Variants in CABP1 observed in about 807,000 individuals in gnomAD.
CABP1 encodes the protein calcium-binding protein 1.
CABP1 carries 17 observed loss-of-function variants against 34.3 expected under a neutral mutation model. That is an observed-to-expected ratio of 0.50 (90% CI 0.34 to 0.74). The LOEUF is 0.74. Among genes scored for constraint, CABP1 ranks in the 30% least tolerant of loss-of-function variants. CABP1 has a pLI of 0.01. For synonymous variants in CABP1, 198 were observed against 229.2 expected (o/e 0.86, Z 1.23); for missense variants, 373 against 511.1 (o/e 0.73, Z 2.61).
downstream of CABP1, among the ~76,000 whole-genome samples, chr12:120,670,748 G>A (rs573209064): frequency 7.2e-5 from 11 of 152,184 alleles, no homozygotes; most frequent in African/African-American, 1.7e-4. Context: ...CTTTTGTCTC[G>A]AAAACCAAAA....
At chr12:120,677,102 T>C in the CABP1 span, among the ~76,000 whole-genome samples, 50 of 144,560 alleles carry the variant, frequency 3.5e-4, no homozygotes, top group East Asian at 9.1e-3. Context: ...TTTTTTTTTT[T>C]CCTGAGATAG....
At chr12:120,655,458 A>G in intron 1 of CABP1, 8 of 872,674 alleles carry the variant, frequency 9.2e-6, no homozygotes, top group Non-Finnish European at 1.1e-5. Flanking sequence ...GCATGTTTCC[A>G]CTTTGCCCCA....
Position 120,666,896 on chromosome 12 carries a change from G to A in CABP1, c.1109G>A (p.Arg370His). 6.2e-7 allele frequency: 1 copy of A among 1,604,994 alleles called. No individual in the cohort carries two copies. The highest frequency in any genetic ancestry group is 8.5e-7 in the Non-Finnish European group (1 of 1,178,598). Residue 370 changes from arginine (R) to histidine (H), a missense_variant, in exon 6 of 6, where the codon CGC becomes CAC. Physicochemically the swap from Arg to His is conservative, Grantham distance 29. Around this residue, in one of 4 missense-constraint regions of CABP1, gnomAD observed 109 missense variants for 204.8 expected, o/e 0.53. Coordinates refer to ENST00000316803, the MANE Select transcript of CABP1 (RefSeq NM_001033677.2). ...CTAGAGTTTGTCCGGATGATGTCCC[G>A]CTGAGGCCGCGAGGGCCCCTCCAGG... ...DFEEFVRMMS[R>H]
chr12:120,669,453 G>A (rs1010335590), downstream of CABP1, among the ~76,000 whole-genome samples: 7 of 152,144 alleles, frequency 4.6e-5, no homozygotes, highest in African/African-American at 1.7e-4. Context: ...CATCTCTATC[G>A]GCTGGCAGGG....
chr12:120,666,085 C>T (rs1194443728), intron 5 of CABP1, among the ~76,000 whole-genome samples: 1 of 150,748 alleles, frequency 6.6e-6, no homozygotes, highest in African/African-American at 2.4e-5. Context: ...GTAATCCCAG[C>T]ACTTTGGGAG....
chr12:120,675,984 G>A, the CABP1 span, among the ~76,000 whole-genome samples: 1 of 152,122 alleles, frequency 6.6e-6, no homozygotes, highest in Non-Finnish European at 1.5e-5. Context: ...GCTGAGGCAG[G>A]GGAATCGCTT....
Position 120,640,870 on chromosome 12 carries a change from T to C in CABP1, c.185T>C (p.Ile62Thr). The change falls in exon 1 of 6, where the codon ATC becomes ACC. Residue 62 changes from isoleucine to threonine, a missense_variant. Physicochemically the swap from Ile to Thr is moderately conservative, Grantham distance 89 (BLOSUM62 -1). Around this residue, in one of 4 missense-constraint regions of CABP1, gnomAD observed 134 missense variants for 145.4 expected, o/e 0.92. Coordinates refer to ENST00000316803, the MANE Select transcript of CABP1 (RefSeq NM_001033677.2). This position sits in a 1 kb window ranked among gnomAD's most constrained non-coding sequence, Gnocchi z 6.2. ...GGCCCCGCCGCGATGAGCTCGCACA[T>C]CGCCAAAAGCGAGTCCAAGACGTCG... The part of the protein sequence containing the change: ...SAGPAAMSSH[I>T]AKSESKTSLL... The C allele has an allele frequency of 9.3e-7, 1 of 1,080,664 alleles. No homozygotes were observed. The highest frequency in any genetic ancestry group is 1.1e-6 in the Non-Finnish European group (1 of 892,894). 66.9% of individuals were successfully genotyped at this position (1,080,664 alleles called of 1,614,324 possible).
chr12:120,676,531 G>C, the CABP1 span, among the ~76,000 whole-genome samples: 9 of 152,090 alleles, frequency 5.9e-5, 1 homozygote, highest in Admixed American at 2.0e-4. Flanking sequence ...GGGTTGAAGC[G>C]ATTCTCTTGC....
chr12:120,677,236 T>C, the CABP1 span, among the ~76,000 whole-genome samples: 1 of 149,420 alleles, frequency 6.7e-6, no homozygotes, highest in East Asian at 2.0e-4. Context: ...CACAGGCGCC[T>C]GCCACCATGC....
intron 1 of CABP1, chr12:120,650,680 A>G (rs1425772636): frequency 4.3e-6 from 7 of 1,613,998 alleles, no homozygotes; most frequent in Non-Finnish European, 5.9e-6. Context: ...TCTCTCAAGG[A>G]AGGTATGTTT....
At chr12:120,662,724 C>T (rs1309057124) in intron 5 of CABP1, among the ~76,000 whole-genome samples, 1 of 139,066 alleles carries the variant, frequency 7.2e-6, no homozygotes, top group Non-Finnish European at 1.5e-5. Context: ...CGCTCTTGTA[C>T]TCCAGGCTGG....
chr12:120,653,974 G>A (rs780736599), intron 1 of CABP1, among the ~76,000 whole-genome samples: 1 of 152,198 alleles, frequency 6.6e-6, no homozygotes, highest in Non-Finnish European at 1.5e-5. Context: ...CTGGGGTTCG[G>A]CCAGTCACTG....
chr12:120,643,860 ATTC>A (rs1338991538), intron 1 of CABP1, among the ~76,000 whole-genome samples: 7 of 152,226 alleles, frequency 4.6e-5, no homozygotes, highest in African/African-American at 1.4e-4. Flanking sequence ...AGTGTTAGTT[ATTC>A]TTCTTCTTTG....
the CABP1 span, among the ~76,000 whole-genome samples, chr12:120,679,757 G>A: frequency 6.6e-6 from 1 of 152,184 alleles, no homozygotes; most frequent in African/African-American, 2.4e-5. Context: ...AACCCGGGAG[G>A]TGGAGGTTGC....
intron 1 of CABP1, chr12:120,650,491 A>G (rs1047805176): frequency 9.8e-6 from 15 of 1,524,586 alleles, no homozygotes; most frequent in Non-Finnish European, 1.3e-5. Flanking sequence ...GCACGCGCGC[A>G]AGAGAGGGCT....
chr12:120,668,655 A>T (rs1881133921), downstream of CABP1, among the ~76,000 whole-genome samples: 1 of 152,194 alleles, frequency 6.6e-6, no homozygotes, highest in Non-Finnish European at 1.5e-5. Flanking sequence ...AGGGCATTGC[A>T]CCACACGGCA....
At chr12:120,643,960 C>T (rs1879445004) in intron 1 of CABP1, among the ~76,000 whole-genome samples, 1 of 152,210 alleles carries the variant, frequency 6.6e-6, no homozygotes, top group Admixed American at 6.5e-5. Context: ...ACACTGAAGG[C>T]ACAAAGATGA....
downstream of CABP1, among the ~76,000 whole-genome samples, chr12:120,670,147 T>C (rs1208196625): frequency 7.9e-5 from 12 of 151,978 alleles, no homozygotes; most frequent in Non-Finnish European, 1.8e-4. Flanking sequence ...GGACTACAGA[T>C]GCACACCAGC....
At chr12:120,653,036 T>C (rs1193789966) in intron 1 of CABP1, among the ~76,000 whole-genome samples, 1 of 152,142 alleles carries the variant, frequency 6.6e-6, no homozygotes, top group Non-Finnish European at 1.5e-5. Flanking sequence ...GGCAACTTGG[T>C]GTTAGGCAGT....
Sources: allele counts gnomAD v4.1 joint callset (sites outside exome capture counted in the v4.1 genomes callset), GRCh38; gene constraint gnomAD v4.1.1; regional missense constraint gnomAD v4.1.1; non-coding constraint Gnocchi (gnomAD v3.1); transcripts MANE v1.5; gene names NCBI Gene and HGNC (gene_info 2026-07-23, HGNC 2026-07-21).